The following MTSS2 variants were observed in gnomAD, a reference collection of about 807,000 sequenced individuals.
MTSS2 encodes the protein protein MTSS 2.
Under a neutral mutation model 67.1 loss-of-function variants are expected in MTSS2, and 27 were observed. That is an observed-to-expected ratio of 0.40 (90% CI 0.30 to 0.55). The LOEUF (loss-of-function observed/expected upper bound fraction) is 0.55, where lower values mean the gene tolerates loss of function less well. Among genes scored for constraint, MTSS2 ranks in the 20% least tolerant of loss-of-function variants. The probability of loss-of-function intolerance (pLI) is 0.43; values close to 1 mark genes in which losing one functional copy is unlikely to be tolerated. For missense variants in MTSS2, 1,171 were observed against 1,067.8 expected, an observed-to-expected ratio of 1.10 and a Z score of -1.35; for synonymous variants, 624 against 468.6, an observed-to-expected ratio of 1.33 and a Z score of -4.28.
chr16:70,670,777 A>T (rs2052904387), intron 11 of MTSS2, among the ~76,000 whole-genome samples: 1 of 152,020 alleles, frequency 6.6e-6, no homozygotes, highest in African/African-American at 2.4e-5. Flanking sequence ...CAGCCTAGGA[A>T]ACATAGTGAG....
chr16:70,664,549 T>C (rs1216734813), intron 14 of MTSS2, 49 bp downstream of exon 14: 1 of 1,596,458 alleles, frequency 6.3e-7, no homozygotes, highest in East Asian at 2.2e-5. Flanking sequence ...CCCTCCTGGA[T>C]GGCTAAGTCC....
chr16:70,668,106 G>C (rs1351726601), intron 11 of MTSS2, among the ~76,000 whole-genome samples: 1 of 151,714 alleles, frequency 6.6e-6, no homozygotes, highest in Non-Finnish European at 1.5e-5. Flanking sequence ...TCCATGACCA[G>C]ATATCAAGAT....
chr16:70,662,090 G>A lies in MTSS2; in HGVS notation c.*1587C>T, dbSNP rs943698203. 2.6e-5 allele frequency: 4 copies of A among 152,262 alleles called. No homozygotes were observed. The highest frequency in any genetic ancestry group is 9.7e-5 in the African/African-American group (4 of 41,404). The allele number at this position is 152,262 out of a possible 1,614,324, so 9.4% of individuals were successfully genotyped here. A position where few individuals can be genotyped will look rare whatever the true frequency, so the allele number is the denominator to read the frequency against. On this transcript the variant is annotated 3_prime_UTR_variant, in exon 15 of 15. Transcript: ENST00000338779. ...CTCTGATGGGACTCTGTCCACATCAGGGCCTGCTTGGTGCCCGGACCTACC... is the reference window on the plus strand; with the variant it reads ...CTCTGATGGGACTCTGTCCACATCAAGGCCTGCTTGGTGCCCGGACCTACC...
intron 9 of MTSS2, among the ~76,000 whole-genome samples, chr16:70,677,549 C>CAGGGCAGGCAG (rs2053159549): frequency 3.3e-5 from 5 of 152,190 alleles, no homozygotes; most frequent in Admixed American, 3.3e-4. Context: ...GGCCTGACTC[C>CAGGGCAGGCAG]ATGGATCCAG....
chr16:70,669,206 C>T (rs1475701426), intron 11 of MTSS2, among the ~76,000 whole-genome samples: 2 of 152,010 alleles, frequency 1.3e-5, no homozygotes, highest in East Asian at 3.9e-4. Flanking sequence ...CATTAAAAGA[C>T]CCCCATTAAG....
At position 70,677,841 on chromosome 16, in the gene MTSS2, A is replaced by C. The variant is rs2053170299; in HGVS notation, c.683T>G (p.Leu228Trp). The C allele has an allele frequency of 6.2e-7, 1 of 1,612,580 alleles. No homozygotes were observed. The highest frequency in any genetic ancestry group is 8.5e-7 in the Non-Finnish European group (1 of 1,179,684). ...ITHLQGIIDD[L>W]VVLTAEPHKL... ...GTGGGGTTCTGCTGTCAGCACCACC[A>C]AGTCGTCGATGATGCCCTGCAGGTG... is the stretch of plus-strand genomic sequence containing the variant. Residue 228 changes from leucine (L) to tryptophan (W), a missense_variant, in exon 9 of 15, where the codon TTG becomes TGG. This residue lies in a region of MTSS2 where 924 missense variants were observed against 756.0 expected (regional missense o/e 1.22). Transcript: ENST00000338779.
chr16:70,680,509 A>T (rs2053269862), intron 3 of MTSS2, among the ~76,000 whole-genome samples: 1 of 152,142 alleles, frequency 6.6e-6, no homozygotes, highest in South Asian at 2.1e-4. Context: ...CATGAGTGGG[A>T]AGAAGCCCTA....
intron 1 of MTSS2, among the ~76,000 whole-genome samples, chr16:70,683,392 C>T (rs2053358900): frequency 1.3e-5 from 2 of 152,238 alleles, no homozygotes; most frequent in African/African-American, 4.8e-5. Context: ...TTAACACCAG[C>T]TAACAGTACG....
At position 70,679,522 on chromosome 16, in the gene MTSS2, G is replaced by C. The variant is rs543994301; in HGVS notation, c.457+108C>G. The C allele has an allele frequency of 5.0e-5, 67 of 1,330,316 alleles. No individual in the cohort carries two copies. The East Asian group carries it at 1.6e-3, about 31-fold the overall frequency. The allele number at this position is 1,330,316 out of a possible 1,614,324, so 82.4% of individuals were successfully genotyped here. A position where few individuals can be genotyped will look rare whatever the true frequency, so the allele number is the denominator to read the frequency against. On this transcript the variant is annotated intron_variant, in intron 6 of 14. Coordinates refer to ENST00000338779, the MANE Select transcript of MTSS2 (RefSeq NM_138383.3). The stretch of plus-strand genomic sequence containing the variant: ...AACAGGTTGGAGGGTCCTGTGTCGG[G>C]GACAGCGCCCCTCTGGCTGGGATGA...
intron 8 of MTSS2, 129 bp from the exon 9 acceptor site, chr16:70,678,028 C>T (rs2053177072): frequency 4.1e-6 from 4 of 973,282 alleles, no homozygotes; most frequent in Admixed American, 2.4e-5. Context: ...CAATGCTGCT[C>T]GGGGCTGGTG....
chr16:70,673,801 C>T (rs1479293286), intron 11 of MTSS2, among the ~76,000 whole-genome samples: 1 of 151,774 alleles, frequency 6.6e-6, no homozygotes, highest in African/African-American at 2.4e-5. Flanking sequence ...ATATTAAGGG[C>T]CTTGAATTAC....
intron 10 of MTSS2, among the ~76,000 whole-genome samples, chr16:70,675,151 C>T (rs1366517544): frequency 3.3e-5 from 5 of 150,042 alleles, no homozygotes; most frequent in Admixed American, 1.3e-4. Context: ...CCTGTCTGGG[C>T]GTGGTGGCTC....
intron 3 of MTSS2, among the ~76,000 whole-genome samples, chr16:70,680,385 G>T (rs1036363595): frequency 1.3e-5 from 2 of 152,176 alleles, no homozygotes; most frequent in South Asian, 4.1e-4. Context: ...GCACGCCCAG[G>T]GCCCGAAGGA....
At chr16:70,664,879 G>T (rs757924802) in intron 13 of MTSS2, 41 bp downstream of exon 13, 4 of 1,520,464 alleles carry the variant, frequency 2.6e-6, no homozygotes, top group Non-Finnish European at 2.6e-6. Context: ...TGGGCCTCCT[G>T]GGACTGACCT....
chr16:70,675,259 C>T (rs1424104692), intron 10 of MTSS2, among the ~76,000 whole-genome samples: 4 of 152,084 alleles, frequency 2.6e-5, no homozygotes, highest in Non-Finnish European at 4.4e-5. Context: ...CCTGTCTCTA[C>T]AAAATATATG....
Position 70,679,854 on chromosome 16 carries a change from T to G in MTSS2, c.314A>C (p.Asn105Thr). 6.2e-7 allele frequency: 1 copy of G among 1,603,370 alleles called. No homozygotes were observed. Among genetic ancestry groups the G allele is most frequent in the East Asian group, 2.2e-5 (1 of 44,814 alleles). The stretch of plus-strand genomic sequence containing the variant: ...GTCCTCGATGCGCTCCTGCAGCGGG[T>G]TGATGAGGCTCTCCAGCAGTGCGCT... ...FTNALLESLINPLQERIEDWK... is the reference protein window; with the variant it reads ...FTNALLESLITPLQERIEDWK... Residue 105 changes from asparagine to threonine, a missense_variant, in exon 5 of 15, where the codon AAC becomes ACC. Asn to Thr is a moderately conservative substitution (Grantham distance 65). Transcript: ENST00000338779.
chr16:70,661,981 G>A lies in MTSS2; in HGVS notation c.*1696C>T, dbSNP rs1240665986. The A allele has an allele frequency of 2.0e-5, 3 of 153,166 alleles. No homozygotes were observed. The highest frequency in any genetic ancestry group is 1.3e-4 in the Admixed American group (2 of 15,404). 9.5% of individuals were successfully genotyped at this position (153,166 alleles called of 1,614,324 possible). A position where few individuals can be genotyped will look rare whatever the true frequency, so the allele number is the denominator to read the frequency against. ...CCCTAAAACCGGGGCTCTGGTGTTG[G>A]CCTGAGCTCCACGGGCTGAGTGCTC... On this transcript the variant is annotated 3_prime_UTR_variant, in exon 15 of 15. Coordinates refer to ENST00000338779, the MANE Select transcript of MTSS2 (RefSeq NM_138383.3).
chr16:70,669,109 G>T (rs2052829350), intron 11 of MTSS2, among the ~76,000 whole-genome samples: 1 of 152,018 alleles, frequency 6.6e-6, no homozygotes, highest in African/African-American at 2.4e-5. Context: ...CCTTGCAGTA[G>T]GCAAAAATCT....
rs147072636 is a variant in MTSS2, at chr16:70,674,436, C to T, written c.923G>A (p.Arg308His). 6.3e-5 allele frequency: 102 copies of T among 1,614,120 alleles called. No individual in the cohort carries two copies. In the African/African-American group the frequency reaches 1.1e-3, roughly 17 times the overall value. ...GGTGGTGGCTGGCTGCGCCAGGCTGCGGTAGCGACAGGTGGAACTGGGTGA... is the reference window on the plus strand; with the variant it reads ...GGTGGTGGCTGGCTGCGCCAGGCTGTGGTAGCGACAGGTGGAACTGGGTGA... ...TYSPSSTCRYRSLAQPATTTA... is the reference protein window; with the variant it reads ...TYSPSSTCRYHSLAQPATTTA... Residue 308 changes from arginine (R) to histidine (H), a missense_variant, in exon 11 of 15, where the codon CGC becomes CAC. Arg to His is a conservative substitution (Grantham distance 29). Coordinates refer to ENST00000338779, the MANE Select transcript of MTSS2 (RefSeq NM_138383.3).
Sources: gnomAD v4.1 joint callset for allele counts (sites outside exome capture counted in the v4.1 genomes callset) on GRCh38, gnomAD v4.1.1 for gene constraint, gnomAD v4.1.1 regional missense constraint, MANE v1.5 for transcripts, NCBI Gene and HGNC (gene_info 2026-07-23, HGNC 2026-07-21) for gene names.